Variants in ARHGEF18 observed in about 807,000 individuals in gnomAD.
ARHGEF18 encodes Rho/Rac guanine nucleotide exchange factor 18.
In ARHGEF18, 93 loss-of-function variants were observed where a neutral mutation model predicts 155.7. That is an observed-to-expected ratio of 0.60 (90% CI 0.50 to 0.71). The LOEUF (loss-of-function observed/expected upper bound fraction) is 0.71. Ranked by LOEUF, ARHGEF18 falls within the 30% of genes least tolerant of loss-of-function variation. The probability of loss-of-function intolerance (pLI) is 0.00; values close to 1 mark genes in which losing one functional copy is unlikely to be tolerated. For synonymous variants in ARHGEF18, 742 were observed against 753.1 expected (o/e 0.99, Z 0.24); for missense variants, 1,593 against 1,816.1 (o/e 0.88, Z 2.23).
chr19:7,464,551 G>A lies in ARHGEF18; in HGVS notation c.2774-9G>A. 2.5e-6 allele frequency: 4 copies of A among 1,607,086 alleles called. No homozygotes were observed. The highest frequency in any genetic ancestry group is 3.4e-6 in the Non-Finnish European group (4 of 1,174,902). On this transcript the variant is annotated splice_polypyrimidine_tract_variant and intron_variant, in intron 22 of 28. Coordinates refer to ENST00000668164, the MANE Select transcript of ARHGEF18 (RefSeq NM_001367823.1). ...CAGCATCCTCATGCCCCTGGCTTGG[G>A]GTTCTCAGATGGCAGTTTCAAGAAG...
chr19:7,430,364 GC>G, intron 10 of ARHGEF18, among the ~76,000 whole-genome samples: 1 of 106,014 alleles, frequency 9.4e-6, no homozygotes, highest in Non-Finnish European at 1.8e-5. Context: ...ACCATGCCTG[GC>G]TAATTTTTTT....
In ARHGEF18 at chr19:7,386,350, C is replaced by T. The variant is rs573840401; in HGVS notation, c.967+3147C>T. Among the ~76,000 whole-genome samples the T allele has an allele frequency of 2.6e-5, 4 of 151,954 alleles. 1 individual carries two copies. In the South Asian group the frequency reaches 8.4e-4, roughly 32 times the overall value. ...ATTTGGGGCTGTGGTGTGGGGCCGC[C>T]CTGTGCCTGGGAGGAGGTTGAAAAG... On this transcript the variant is annotated intron_variant, in intron 10 of 28. Transcript: ENST00000668164.
chr19:7,458,690 G>A lies in ARHGEF18; in HGVS notation c.2360G>A (p.Ser787Asn), dbSNP rs1976005766. 1.2e-6 allele frequency: 2 copies of A among 1,608,102 alleles called. No individual in the cohort carries two copies. The highest frequency in any genetic ancestry group is 1.7e-6 in the Non-Finnish European group (2 of 1,176,030). ...WMAHIQRAVE[S>N]CPDEEEGPFS... ...GCCCACATCCAAAGGGCTGTGGAGAGGTGAGGAGGGCCTGGGGGTCTCCCC... is the reference window on the plus strand; with the variant it reads ...GCCCACATCCAAAGGGCTGTGGAGAAGTGAGGAGGGCCTGGGGGTCTCCCC... The change falls in exon 19 of 29, where the codon AGC becomes AAC. Residue 787 changes from serine (S) to asparagine (N), a missense_variant and splice_region_variant. By Grantham distance (46) the Ser-to-Asn change is conservative. Transcript: ENST00000668164.
rs1037961375 is a variant in ARHGEF18 at position 7,441,941 on chromosome 19, A to C, written c.1249A>C (p.Ile417Leu). The C allele has an allele frequency of 6.2e-7, 1 of 1,613,952 alleles. No homozygotes were observed. Among genetic ancestry groups the C allele is most frequent in the African/African-American group, 1.3e-5 (1 of 74,910 alleles). ...CTACACCGCCTCGCTGAGGAGTGAG[A>C]TTGAGTCAGACGGCCACGAGTTTGA... ...DPYTASLRSE[I>L]ESDGHEFEAE... The change falls in exon 13 of 29, where the codon ATT (isoleucine) becomes CTT (leucine). Residue 417 changes from isoleucine (I) to leucine (L), a missense_variant. By Grantham distance (5) the Ile-to-Leu change is conservative. Coordinates refer to ENST00000668164, the MANE Select transcript of ARHGEF18 (RefSeq NM_001367823.1).
chr19:7,351,689 CCT>C (rs199685788), intron 1 of ARHGEF18, among the ~76,000 whole-genome samples: 29 of 129,582 alleles, frequency 2.2e-4, no homozygotes, highest in East Asian at 1.1e-3. Context: ...TTTCTCTCTG[CCT>C]CTCTCTCTCT....
At chr19:7,439,732 A>T in intron 10 of ARHGEF18, 4 of 1,347,036 alleles carry the variant, frequency 3.0e-6, no homozygotes, top group Non-Finnish European at 3.8e-6. Flanking sequence ...TCACCCTAAC[A>T]TCTGATCTAG....
chr19:7,386,087 A>G (rs1162767343), intron 10 of ARHGEF18, among the ~76,000 whole-genome samples: 1 of 148,122 alleles, frequency 6.8e-6, no homozygotes, highest in Non-Finnish European at 1.5e-5. Context: ...TGGTGTGATC[A>G]TAACTCACTG....
rs1243353142 is a variant in ARHGEF18 at position 7,362,170 on chromosome 19, AAGAAGGAGAAGAAGG to A, written c.-110-605_-110-591del. Among the ~76,000 whole-genome samples, 2 of 36,552 alleles carry A rather than the reference AAGAAGGAGAAGAAGG, an allele frequency of 5.5e-5. 1 individual carries two copies. Among genetic ancestry groups the A allele is most frequent in the African/African-American group, 5.7e-4 (2 of 3,530 alleles). 24.0% of individuals were successfully genotyped at this position (36,552 alleles called of 152,430 possible). A position where few individuals can be genotyped will look rare whatever the true frequency, so the allele number is the denominator to read the frequency against. On this transcript the variant is annotated intron_variant, in intron 1 of 28. Coordinates refer to ENST00000668164, the MANE Select transcript of ARHGEF18 (RefSeq NM_001367823.1). ...GAAGGAGAAGGAGGAGAAGAAGGAG[AAGAAGGAGAAGAAGG>A]AGAAGAAGGAGAAGAAGAAGGAGAA...
chr19:7,366,296 C>T (rs73923371), intron 2 of ARHGEF18, among the ~76,000 whole-genome samples: 10,403 of 152,230 alleles, frequency 0.068, 934 homozygotes, highest in East Asian at 0.21. Flanking sequence ...TCCCTACCAC[C>T]ACTATTGGAA....
chr19:7,421,754 T>G (rs1013944938), intron 10 of ARHGEF18, among the ~76,000 whole-genome samples: 7 of 152,008 alleles, frequency 4.6e-5, no homozygotes, highest in African/African-American at 1.7e-4. Flanking sequence ...AGAGTGACAC[T>G]CCGCCTCAAA....
In ARHGEF18 at chr19:7,470,092, C is replaced by T. The variant is rs749863795; in HGVS notation, c.3914-34C>T. On this transcript the variant is annotated intron_variant, in intron 28 of 28. Transcript: ENST00000668164. The surrounding 1 kb of genome is among the most constrained non-coding windows in gnomAD (Gnocchi z 5.9). ...GCAGCGGGGCTGCGGCACCACCCGG[C>T]GACTGCTCAGTCTGAACCCTCTCTC... 16 of 1,611,444 alleles carry T rather than the reference C, an allele frequency of 9.9e-6. No individual in the cohort carries two copies. Among genetic ancestry groups the T allele is most frequent in the African/African-American group, 9.3e-5 (7 of 74,870 alleles).
At chr19:7,394,524 C>G (rs890889580) in intron 10 of ARHGEF18, among the ~76,000 whole-genome samples, 4 of 152,162 alleles carry the variant, frequency 2.6e-5, no homozygotes, top group South Asian at 2.1e-4. Context: ...CAAAACACCC[C>G]CAGCTCCACT....
chr19:7,445,337 A>G (rs1047615162), intron 14 of ARHGEF18, among the ~76,000 whole-genome samples: 1 of 152,122 alleles, frequency 6.6e-6, no homozygotes, highest in Non-Finnish European at 1.5e-5. Flanking sequence ...AGTCCCAGCT[A>G]CTCAGGAGGC....
chr19:7,399,535 G>A (rs1156632112), intron 10 of ARHGEF18, among the ~76,000 whole-genome samples: 1 of 150,234 alleles, frequency 6.7e-6, no homozygotes, highest in Non-Finnish European at 1.5e-5. Context: ...AGCCTGGAGT[G>A]CAGTGGCGCG....
intron 10 of ARHGEF18, among the ~76,000 whole-genome samples, chr19:7,387,381 T>C (rs1971143034): frequency 6.6e-6 from 1 of 152,038 alleles, no homozygotes; most frequent in Non-Finnish European, 1.5e-5. Flanking sequence ...CTCGATCTCC[T>C]GACCTCGTGA....
intron 13 of ARHGEF18, among the ~76,000 whole-genome samples, chr19:7,442,971 C>A (rs528987515): frequency 6.6e-6 from 1 of 152,106 alleles, no homozygotes; most frequent in South Asian, 2.1e-4. Flanking sequence ...CTCCCTGCAA[C>A]CTCCACCTCC....
the ARHGEF18 span, among the ~76,000 whole-genome samples, chr19:7,478,668 G>T: frequency 6.6e-6 from 1 of 152,216 alleles, no homozygotes; most frequent in Non-Finnish European, 1.5e-5. Flanking sequence ...GGAACATCAA[G>T]CCCCGTGAGG....
intron 23 of ARHGEF18, 67 bp from the exon 24 acceptor site, chr19:7,466,851 G>GAAGAAGAAA: frequency 8.8e-6 from 7 of 791,928 alleles, no homozygotes; most frequent in East Asian, 3.0e-5. Context: ...AGAAGAAGAA[G>GAAGAAGAAA]AAGGCTTGAG....
At chr19:7,427,542 G>A (rs997627146) in intron 10 of ARHGEF18, among the ~76,000 whole-genome samples, 3 of 151,920 alleles carry the variant, frequency 2.0e-5, no homozygotes, top group African/African-American at 7.3e-5. Flanking sequence ...CTACTTGGGA[G>A]GTTGAGGTGG....
Sources: gnomAD v4.1 joint callset for allele counts (sites outside exome capture counted in the v4.1 genomes callset) on GRCh38, gnomAD v4.1.1 for gene constraint, Gnocchi (gnomAD v3.1) non-coding constraint, MANE v1.5 for transcripts, NCBI Gene and HGNC (gene_info 2026-07-23, HGNC 2026-07-21) for gene names.